Variants in IL1RAPL1 observed in about 807,000 individuals in gnomAD.
IL1RAPL1 encodes interleukin-1 receptor accessory protein-like 1.
IL1RAPL1 carries 3 observed loss-of-function variants against 48.4 expected under a neutral mutation model. That is an observed-to-expected ratio of 0.06 (90% confidence interval 0.03 to 0.16). The LOEUF (loss-of-function observed/expected upper bound fraction) is 0.16, where lower values mean the gene tolerates loss of function less well. IL1RAPL1 is among the 10% of genes least tolerant of loss of function. The probability of loss-of-function intolerance (pLI) is 1.00; values close to 1 mark genes in which losing one functional copy is unlikely to be tolerated. For missense variants in IL1RAPL1, 349 were observed against 530.6 expected (o/e 0.66, Z 3.36); for synonymous variants, 185 against 187.7 (o/e 0.99, Z 0.12).
At chrX:29,611,959 C>A (rs1238363231) in intron 5 of IL1RAPL1, among the ~76,000 whole-genome samples, 1 of 111,249 alleles carries the variant, frequency 9.0e-6, no homozygotes, top group African/African-American at 3.3e-5. Context: ...TCTGCTATAC[C>A]ACTCTGCTGC....
intron 6 of IL1RAPL1, among the ~76,000 whole-genome samples, chrX:29,826,768 T>G (rs1359481038): frequency 8.9e-6 from 1 of 112,414 alleles, no homozygotes; most frequent in Non-Finnish European, 1.9e-5. Flanking sequence ...TACTACATTT[T>G]GTTTATTCAT....
chrX:29,618,119 T>G (rs149733359), intron 5 of IL1RAPL1, among the ~76,000 whole-genome samples: 1,671 of 111,768 alleles, frequency 0.015, 43 homozygotes, highest in African/African-American at 0.052. Flanking sequence ...AAAAGAATTC[T>G]GTAAATGTTA....
rs1933411966 is a variant in IL1RAPL1, at chrX:29,955,930, T to C, written c.*110T>C. 3 of 619,106 alleles carry C rather than the reference T, an allele frequency of 4.8e-6. No individual in the cohort carries two copies. Among genetic ancestry groups the C allele is most frequent in the Non-Finnish European group, 8.1e-6 (3 of 368,761 alleles). 51.0% of individuals were successfully genotyped at this position (619,106 alleles called of 1,213,427 possible). ...GTTAAAAAACATGCATTAGAATCTC[T>C]AGAACACGAGGAAAAACAGGGTCTT... On this transcript the variant is annotated 3_prime_UTR_variant, in exon 11 of 11. Transcript: ENST00000378993.
intron 5 of IL1RAPL1, among the ~76,000 whole-genome samples, chrX:29,650,222 A>G (rs1485448785): frequency 8.9e-6 from 1 of 112,004 alleles, no homozygotes; most frequent in Non-Finnish European, 1.9e-5. Context: ...TACAGAGTCA[A>G]TGCAATCTCT....
intron 1 of IL1RAPL1, among the ~76,000 whole-genome samples, chrX:28,631,129 G>A (rs139464076): frequency 0.023 from 2,576 of 111,753 alleles, 67 homozygotes; most frequent in African/African-American, 0.078. Context: ...CTCTTGAGAA[G>A]CCATACAGAG....
intron 6 of IL1RAPL1, among the ~76,000 whole-genome samples, chrX:29,813,388 G>A (rs1930420674): frequency 9.1e-6 from 1 of 110,404 alleles, no homozygotes; most frequent in Non-Finnish European, 1.9e-5. Context: ...CTTCTTACTA[G>A]CCAAATGCCA....
intron 3 of IL1RAPL1, among the ~76,000 whole-genome samples, chrX:29,299,656 C>T (rs745950042): frequency 3.6e-5 from 4 of 112,082 alleles, no homozygotes; most frequent in Admixed American, 2.8e-4. Context: ...AAACAGATTC[C>T]TAGATCCTAC....
chrX:29,522,481 G>T (rs772497377), intron 5 of IL1RAPL1, among the ~76,000 whole-genome samples: 1 of 111,887 alleles, frequency 8.9e-6, no homozygotes, highest in Non-Finnish European at 1.9e-5. Context: ...ATTTAGACTT[G>T]CAGTCTGTGC....
chrX:28,841,090 G>T (rs1004799655), intron 2 of IL1RAPL1, among the ~76,000 whole-genome samples: 16 of 110,675 alleles, frequency 1.4e-4, no homozygotes, highest in African/African-American at 4.9e-4. Context: ...GTGACTCTTT[G>T]AATATTCTAA....
intron 1 of IL1RAPL1, among the ~76,000 whole-genome samples, chrX:28,670,775 C>G (rs1470173774): frequency 8.9e-6 from 1 of 111,790 alleles, no homozygotes; most frequent in Non-Finnish European, 1.9e-5. Flanking sequence ...TTCTAATGAC[C>G]AGTCATGCCA....
In IL1RAPL1 at chrX:29,584,746, G is replaced by T. The variant is rs569710213; in HGVS notation, c.704-83684G>T. On this transcript the variant is annotated intron_variant, in intron 5 of 10. Transcript: ENST00000378993. ...TATTTTTTATTTTTTGTTGAGATGG[G>T]GTCTCACTATGTTGCCCGGTCTAGT... Among the ~76,000 whole-genome samples the T allele has an allele frequency of 8.1e-5, 9 of 111,031 alleles. No individual in the cohort carries two copies. In the South Asian group the frequency reaches 3.1e-3, roughly 38 times the overall value.
chrX:28,985,398 C>T (rs1460993130), intron 2 of IL1RAPL1, among the ~76,000 whole-genome samples: 3 of 111,635 alleles, frequency 2.7e-5, no homozygotes, highest in Admixed American at 1.9e-4. Context: ...GCCATACTAA[C>T]GCATGGCCAT....
At chrX:28,878,934 G>A (rs934049702) in intron 2 of IL1RAPL1, among the ~76,000 whole-genome samples, 2 of 111,379 alleles carry the variant, frequency 1.8e-5, no homozygotes, top group African/African-American at 6.5e-5. Flanking sequence ...ACTTGGAAAG[G>A]CCAAATATGT....
intron 6 of IL1RAPL1, among the ~76,000 whole-genome samples, chrX:29,772,204 T>C (rs1489203449): frequency 9.3e-6 from 1 of 107,330 alleles, no homozygotes; most frequent in Non-Finnish European, 1.9e-5. Flanking sequence ...TGAGCCCTGA[T>C]TGCACCACTG....
chrX:28,956,242 A>G (rs1207038048), intron 2 of IL1RAPL1, among the ~76,000 whole-genome samples: 3 of 107,832 alleles, frequency 2.8e-5, no homozygotes, highest in Non-Finnish European at 5.7e-5. Context: ...TCCTAATTGA[A>G]TACCCTTTAT....
intron 6 of IL1RAPL1, among the ~76,000 whole-genome samples, chrX:29,759,213 G>T (rs1928695315): frequency 8.9e-6 from 1 of 112,150 alleles, no homozygotes; most frequent in African/African-American, 3.2e-5. Flanking sequence ...AATTGGTCCT[G>T]TAATTTAATG....
intron 2 of IL1RAPL1, among the ~76,000 whole-genome samples, chrX:29,194,893 C>T (rs1179831896): frequency 5.4e-5 from 6 of 110,184 alleles, no homozygotes; most frequent in Non-Finnish European, 9.5e-5. Context: ...CACTGCTCCC[C>T]TTGAAGTGGG....
At chrX:29,760,260 C>A (rs1223601406) in intron 6 of IL1RAPL1, among the ~76,000 whole-genome samples, 1 of 111,188 alleles carries the variant, frequency 9.0e-6, no homozygotes, top group Non-Finnish European at 1.9e-5. Context: ...GGGCTGAGAA[C>A]CACTTCATTA....
intron 3 of IL1RAPL1, among the ~76,000 whole-genome samples, chrX:29,356,585 G>A (rs980854473): frequency 1.5e-4 from 16 of 109,028 alleles, no homozygotes; most frequent in East Asian, 2.9e-4. Context: ...ACACACACAC[G>A]CACACACTCA....
Sources: allele counts gnomAD v4.1 joint callset (sites outside exome capture counted in the v4.1 genomes callset), GRCh38; gene constraint gnomAD v4.1.1; transcripts MANE v1.5; gene names NCBI Gene and HGNC (gene_info 2026-07-23, HGNC 2026-07-21).